GIGYF2: variants seen among roughly 807,000 people sequenced by gnomAD.
GIGYF2 encodes GRB10 interacting GYF protein 2.
A neutral mutation model predicts 208.1 loss-of-function variants in GIGYF2; 25 were observed. The observed-to-expected ratio is 0.12, with a 90% confidence interval of 0.09 to 0.17. The LOEUF is 0.17. Among genes scored for constraint, GIGYF2 ranks in the 10% least tolerant of loss-of-function variants. The pLI is 1.00. For synonymous variants in GIGYF2, 534 were observed against 543.8 expected, an observed-to-expected ratio of 0.98 and a Z score of 0.25; for missense variants, 1,302 against 1,579.4, an observed-to-expected ratio of 0.82 and a Z score of 2.98.
intron 2 of GIGYF2, among the ~76,000 whole-genome samples, chr2:232,720,618 G>A (rs1201633290): frequency 1.4e-5 from 2 of 138,072 alleles, no homozygotes; most frequent in East Asian, 4.2e-4. Flanking sequence ...TGTTTGAGAC[G>A]GAGGCTCACT....
At position 232,806,683 on chromosome 2, in the gene GIGYF2, A is replaced by G; in HGVS notation, c.1806+26A>G. ...GTAAGTACCTTTCACCTCACCTGGA[A>G]TACATATTAGTCACGGAAACACTTG... On this transcript the variant is annotated intron_variant, in intron 15 of 28. Coordinates refer to ENST00000373563, the MANE Select transcript of GIGYF2 (RefSeq NM_001103146.3). The surrounding 1 kb of genome is among the most constrained non-coding windows in gnomAD (Gnocchi z 4.0). The G allele has an allele frequency of 6.6e-7, 1 of 1,516,840 alleles. No homozygotes were observed. Among genetic ancestry groups the G allele is most frequent in the Non-Finnish European group, 9.2e-7 (1 of 1,091,622 alleles). 94.0% of individuals were successfully genotyped at this position (1,516,840 alleles called of 1,614,324 possible).
chr2:232,770,541 T>C (rs932077270), intron 8 of GIGYF2, among the ~76,000 whole-genome samples: 1 of 152,160 alleles, frequency 6.6e-6, no homozygotes, highest in African/African-American at 2.4e-5. Context: ...AGGTATTGAA[T>C]GTATTTATTT....
intron 8 of GIGYF2, chr2:232,766,778 G>A (rs1698981129): frequency 6.6e-6 from 1 of 152,122 alleles, no homozygotes; most frequent in South Asian, 2.1e-4. Flanking sequence ...CTTCACACCT[G>A]CTTGCCTTTA....
At chr2:232,855,446 A>T (rs753189795) in intron 28 of GIGYF2, among the ~76,000 whole-genome samples, 1 of 152,210 alleles carries the variant, frequency 6.6e-6, no homozygotes. Flanking sequence ...TTCTAAGCCA[A>T]ATTCCCTTTT....
chr2:232,847,479 C>G lies in GIGYF2; in HGVS notation c.3592C>G (p.Gln1198Glu). Reference protein sequence around the residue: ...AKQFLERRAKQKANQQRQQQQ... With the variant: ...AKQFLERRAKEKANQQRQQQQ... ...GCAGTTCCTTGAGCGCCGTGCCAAACAGAAAGCCAACCAGCAGCGTCAGCA... is the reference window on the plus strand; with the variant it reads ...GCAGTTCCTTGAGCGCCGTGCCAAAGAGAAAGCCAACCAGCAGCGTCAGCA... The change falls in exon 27 of 29, where the codon CAG (glutamine) becomes GAG (glutamate). Residue 1198 changes from glutamine (Q) to glutamate (E), a missense_variant. By Grantham distance (29) the Gln-to-Glu change is conservative. This residue lies in a region of GIGYF2 where 701 missense variants were observed against 793.0 expected (regional missense o/e 0.88). Transcript: ENST00000373563. The G allele has an allele frequency of 6.2e-7, 1 of 1,612,430 alleles. No individual in the cohort carries two copies. The highest frequency in any genetic ancestry group is 8.5e-7 in the Non-Finnish European group (1 of 1,179,512).
chr2:232,717,438 G>C (rs1281735602), intron 2 of GIGYF2, among the ~76,000 whole-genome samples: 3 of 152,088 alleles, frequency 2.0e-5, no homozygotes, highest in African/African-American at 4.8e-5. Flanking sequence ...TCACCACTTA[G>C]ATCATGATAG....
chr2:232,850,473 T>C, intron 28 of GIGYF2, 64 bp downstream of exon 28: 2 of 1,399,894 alleles, frequency 1.4e-6, no homozygotes, highest in Non-Finnish European at 2.0e-6. Context: ...TTATCCTGTG[T>C]GAGTTTCCAT....
At chr2:232,704,032 TC>T (rs1695973400) in intron 2 of GIGYF2, among the ~76,000 whole-genome samples, 1 of 152,234 alleles carries the variant, frequency 6.6e-6, no homozygotes, top group Non-Finnish European at 1.5e-5. Context: ...AGCACAGTGT[TC>T]ACATTTCATA....
At chr2:232,750,177 C>G (rs150727351) in intron 5 of GIGYF2, among the ~76,000 whole-genome samples, 378 of 150,940 alleles carry the variant, frequency 2.5e-3, no homozygotes, top group African/African-American at 8.4e-3. Flanking sequence ...GAGTGAGACT[C>G]CATTAAAAAA....
intron 13 of GIGYF2, 63 bp from the exon 14 acceptor site, chr2:232,795,999 T>C (rs563670863): frequency 2.9e-5 from 34 of 1,183,098 alleles, no homozygotes; most frequent in South Asian, 1.6e-4. Flanking sequence ...GGCACTGTTA[T>C]TATGTGTACA....
intron 21 of GIGYF2, among the ~76,000 whole-genome samples, chr2:232,826,655 C>A (rs1701253938): frequency 6.6e-6 from 1 of 152,088 alleles, no homozygotes; most frequent in Admixed American, 6.5e-5. Context: ...GGCTAATATC[C>A]AGAATCTGCA....
chr2:232,760,437 G>A, intron 6 of GIGYF2, 43 bp from the exon 7 acceptor site: 2 of 1,248,970 alleles, frequency 1.6e-6, no homozygotes, highest in Non-Finnish European at 2.4e-6. Flanking sequence ...TGTGCCACAT[G>A]TTGACATCTG....
chr2:232,804,641 G>A (rs56344253), intron 14 of GIGYF2, among the ~76,000 whole-genome samples: 12,012 of 151,874 alleles, frequency 0.079, 594 homozygotes, highest in East Asian at 0.17. Flanking sequence ...ACAGGCATGC[G>A]CCACCATGCC....
At chr2:232,725,574 A>C (rs1393723060) in intron 2 of GIGYF2, among the ~76,000 whole-genome samples, 2 of 152,260 alleles carry the variant, frequency 1.3e-5, no homozygotes, top group African/African-American at 4.8e-5. Context: ...TTGAACTCTT[A>C]GTAAGCACAT....
At chr2:232,770,827 A>T in intron 8 of GIGYF2, 1 of 955,420 alleles carries the variant, frequency 1.0e-6, no homozygotes, top group Non-Finnish European at 1.7e-6. Context: ...AACTGACTAT[A>T]CCCTTTCCAA....
At chr2:232,756,083 C>A in intron 5 of GIGYF2, 140 bp from the exon 6 acceptor site, 1 of 602,710 alleles carries the variant, frequency 1.7e-6, no homozygotes. Flanking sequence ...TTATGGTTTT[C>A]CATTGCTAGT....
intron 4 of GIGYF2, among the ~76,000 whole-genome samples, chr2:232,748,781 T>A (rs1176975290): frequency 6.6e-6 from 1 of 152,208 alleles, no homozygotes; most frequent in Non-Finnish European, 1.5e-5. Context: ...CTTGAGAAGC[T>A]GGGGAGTATT....
intron 28 of GIGYF2, among the ~76,000 whole-genome samples, chr2:232,855,516 G>A (rs567929759): frequency 1.3e-5 from 2 of 152,262 alleles, no homozygotes; most frequent in Non-Finnish European, 2.9e-5. Flanking sequence ...ACAGTAGATC[G>A]AGTTAGAGTA....
At chr2:232,750,158 C>T (rs1040618755) in intron 5 of GIGYF2, among the ~76,000 whole-genome samples, 2 of 151,772 alleles carry the variant, frequency 1.3e-5, no homozygotes, top group Non-Finnish European at 2.9e-5. Flanking sequence ...GCACTCCAGC[C>T]TGGGCAAAGA....
Sources: allele counts gnomAD v4.1 joint callset (sites outside exome capture counted in the v4.1 genomes callset), GRCh38; gene constraint gnomAD v4.1.1; regional missense constraint gnomAD v4.1.1; non-coding constraint Gnocchi (gnomAD v3.1); transcripts MANE v1.5; gene names NCBI Gene and HGNC (gene_info 2026-07-23, HGNC 2026-07-21).